The following NFE2L2 variants were observed in gnomAD, a reference collection of about 807,000 sequenced individuals.
NFE2L2 encodes NFE2 like bZIP transcription factor 2, also known as nuclear factor erythroid 2-related factor 2.
NFE2L2 carries 20 observed loss-of-function variants against 49.6 expected under a neutral mutation model. That is an observed-to-expected ratio of 0.40 (90% CI 0.28 to 0.59). The LOEUF (loss-of-function observed/expected upper bound fraction) is 0.59, where lower values mean the gene tolerates loss of function less well. Ranked by LOEUF, NFE2L2 falls within the 20% of genes least tolerant of loss-of-function variation. The pLI is 0.40. For missense variants in NFE2L2, 578 were observed against 714.2 expected, an observed-to-expected ratio of 0.81 and a Z score of 2.17; for synonymous variants, 244 against 256.5, an observed-to-expected ratio of 0.95 and a Z score of 0.47.
At chr2:177,258,919 T>G (rs1690626822) in intron 1 of NFE2L2, among the ~76,000 whole-genome samples, 1 of 152,240 alleles carries the variant, frequency 6.6e-6, no homozygotes, top group Non-Finnish European at 1.5e-5. Context: ...AATGGCTATT[T>G]AGCATTGTCT....
In NFE2L2 at chr2:177,231,322, C is replaced by G; in HGVS notation, c.1281G>C (p.Glu427Asp). The G allele has an allele frequency of 6.2e-7, 1 of 1,614,290 alleles. No individual in the cohort carries two copies. The highest frequency in any genetic ancestry group is 8.5e-7 in the Non-Finnish European group (1 of 1,180,048). The stretch of plus-strand genomic sequence containing the variant: ...GACCAGGACTTACAGGCAATTCTTT[C>G]TCTGGTGTGTTCTCACATTGGGCAT... ...VHDAQCENTP[E>D]KELPVSPGHR... Residue 427 changes from glutamate to aspartate, a missense_variant, in exon 5 of 5, where the codon GAG (glutamate) becomes GAC (aspartate). Coordinates refer to ENST00000397062, the MANE Select transcript of NFE2L2 (RefSeq NM_006164.5).
At chr2:177,239,300 G>T (rs764771668) in intron 1 of NFE2L2, among the ~76,000 whole-genome samples, 2 of 152,074 alleles carry the variant, frequency 1.3e-5, no homozygotes, top group Non-Finnish European at 2.9e-5. Context: ...TCTTCATTAG[G>T]CTGGGGGACA....
chr2:177,252,697 A>G (rs1690387941), intron 1 of NFE2L2, among the ~76,000 whole-genome samples: 2 of 152,262 alleles, frequency 1.3e-5, no homozygotes, highest in South Asian at 2.1e-4. Context: ...TGCAAGCTTG[A>G]GCACAATCCA....
At position 177,234,292 on chromosome 2, in the gene NFE2L2, G is replaced by C. The variant is rs762874613; in HGVS notation, c.46-21C>G. 9.5e-6 allele frequency: 15 copies of C among 1,581,402 alleles called. No homozygotes were observed. In the South Asian group the frequency reaches 1.5e-4, roughly 16 times the overall value. On this transcript the variant is annotated intron_variant, in intron 1 of 4. Transcript: ENST00000397062. The stretch of plus-strand genomic sequence containing the variant: ...ATGTCCTATGTTTAAGACAAAAAAA[G>C]GAAGGAGAGAGCTCATGTTTTTTAA...
chr2:177,234,865 C>T (rs1689685037), intron 1 of NFE2L2, among the ~76,000 whole-genome samples: 1 of 152,130 alleles, frequency 6.6e-6, no homozygotes, highest in African/African-American at 2.4e-5. Context: ...CCTGTAATCC[C>T]AGCACTTTGG....
Position 177,231,091 on chromosome 2 carries a change from C to G in NFE2L2, c.1512G>C (p.Arg504Ser), listed in dbSNP as rs1174733223. ...QLALIRDIRR[R>S]GKNKVAAQNC... ...TCTGAGCAGCCACTTTATTCTTACC[C>G]CTCCTACGTATATCCCGAATTAATG... The change falls in exon 5 of 5, where the codon AGG becomes AGC. Residue 504 changes from arginine (R) to serine (S), a missense_variant. Coordinates refer to ENST00000397062, the MANE Select transcript of NFE2L2 (RefSeq NM_006164.5). 6.2e-7 allele frequency: 1 copy of G among 1,614,010 alleles called. No individual in the cohort carries two copies. The highest frequency in any genetic ancestry group is 8.5e-7 in the Non-Finnish European group (1 of 1,180,022).
rs553049060 is a variant in NFE2L2 at position 177,230,677 on chromosome 2, A to T, written c.*108T>A. ...ATTTTCTATACTAGTTTTGGCTATG[A>T]TTTTGCATAGAATTACTTATAAAGT... is the stretch of plus-strand genomic sequence containing the variant. On this transcript the variant is annotated 3_prime_UTR_variant, in exon 5 of 5. Transcript: ENST00000397062. 244 of 1,285,304 alleles carry T rather than the reference A, an allele frequency of 1.9e-4. No individual in the cohort carries two copies. Among genetic ancestry groups the T allele is most frequent in the Admixed American group, 1.3e-3 (45 of 35,074 alleles). 79.6% of individuals were successfully genotyped at this position (1,285,304 alleles called of 1,614,324 possible).
At chr2:177,252,961 G>T (rs1307228258) in intron 1 of NFE2L2, among the ~76,000 whole-genome samples, 2 of 152,150 alleles carry the variant, frequency 1.3e-5, no homozygotes, top group Non-Finnish European at 2.9e-5. Context: ...GCCCTTTCCA[G>T]AATCTTCTTC....
intron 1 of NFE2L2, among the ~76,000 whole-genome samples, chr2:177,244,017 C>T (rs1027597231): frequency 1.9e-4 from 28 of 151,172 alleles, no homozygotes; most frequent in African/African-American, 6.6e-4. Context: ...AAAAAAGATC[C>T]TTGCTGGGTG....
Position 177,231,556 on chromosome 2 carries a change from G to A in NFE2L2, c.1047C>T (p.Asn349=). ...FNDSDSGISL[N]TSPSVASPEH... Reference sequence around the variant, plus strand: ...CTGGTGATGCCACACTGGGACTTGTGTTTAGTGAAATGCCGGAGTCAGAAT... The same window carrying A: ...CTGGTGATGCCACACTGGGACTTGTATTTAGTGAAATGCCGGAGTCAGAAT... The change falls in exon 5 of 5, where the codon AAC becomes AAT. Residue 349 remains asparagine, a synonymous_variant. Transcript: ENST00000397062. The A allele has an allele frequency of 1.2e-6, 2 of 1,614,222 alleles. No homozygotes were observed. The highest frequency in any genetic ancestry group is 2.2e-5 in the South Asian group (2 of 91,088).
At position 177,231,678 on chromosome 2, in the gene NFE2L2, G is replaced by C. The variant is rs141363120; in HGVS notation, c.925C>G (p.Leu309Val). The C allele has an allele frequency of 2.8e-5, 46 of 1,614,076 alleles. No homozygotes were observed. The highest frequency in any genetic ancestry group is 3.8e-5 in the Non-Finnish European group (45 of 1,180,026). The change falls in exon 5 of 5, where the codon CTC (leucine) becomes GTC (valine). Residue 309 changes from leucine (L) to valine (V), a missense_variant. Transcript: ENST00000397062. ...ATGGGCCCATTTAGAAGTTCAGAGA[G>C]TGAATGGCTTAAAGTAGCAGGTGAG... ...MPSPATLSHS[L>V]SELLNGPIDV...
At chr2:177,251,794 A>G (rs1285649418) in intron 1 of NFE2L2, among the ~76,000 whole-genome samples, 1 of 151,972 alleles carries the variant, frequency 6.6e-6, no homozygotes, top group East Asian at 1.9e-4. Flanking sequence ...TCACGAGGTC[A>G]GGAGTTCGAG....
At position 177,232,394 on chromosome 2, in the gene NFE2L2, G is replaced by A. The variant is rs968335456; in HGVS notation, c.592C>T (p.Gln198Ter). Reference protein sequence around the residue: ...WEELLSIPELQCLNIENDKLV... With the variant: ...WEELLSIPEL ...GTATTACATTCTATTTTAGTTACCT[G>A]TAACTCAGGAATGGATAATAGCTCC... The change falls in exon 4 of 5, where the codon CAG (glutamine) becomes TAG (stop). Residue 198 changes from glutamine (Q) to a stop codon, truncating the protein, a stop_gained and splice_region_variant. Transcript: ENST00000397062. LOFTEE classifies it high-confidence loss of function. 1.2e-6 allele frequency: 2 copies of A among 1,611,096 alleles called. No individual in the cohort carries two copies. Among genetic ancestry groups the A allele is most frequent in the Non-Finnish European group, 1.7e-6 (2 of 1,178,166 alleles).
chr2:177,233,844 G>T, intron 2 of NFE2L2, 161 bp downstream of exon 2: 1 of 852,258 alleles, frequency 1.2e-6, no homozygotes, highest in Non-Finnish European at 1.8e-6. Flanking sequence ...CTGAACTCAG[G>T]TTAGGTACTG....
chr2:177,243,837 A>G lies in NFE2L2; in HGVS notation c.46-9566T>C, dbSNP rs114513152. ...AGATGTAACTACCTACAAATAGCTA[A>G]AAGTAATAATAAGTCAGTATAGTCA... On this transcript the variant is annotated intron_variant, in intron 1 of 4. Coordinates refer to ENST00000397062, the MANE Select transcript of NFE2L2 (RefSeq NM_006164.5). Among the ~76,000 whole-genome samples the G allele has an allele frequency of 7.1e-3, 1,083 of 152,274 alleles. 5 individuals are homozygous for G. The highest frequency in any genetic ancestry group is 8.8e-3 in the Non-Finnish European group (599 of 68,022).
intron 1 of NFE2L2, among the ~76,000 whole-genome samples, chr2:177,240,042 CACCA>C (rs1689889807): frequency 6.6e-6 from 1 of 151,810 alleles, no homozygotes; most frequent in Non-Finnish European, 1.5e-5. Flanking sequence ...AGCTAATATG[CACCA>C]ACCATTTCCT....
rs11886935 is a variant in NFE2L2, at chr2:177,254,312, G to C, written c.45+10220C>G. ...CCTTTGTGGCACTTTCATTATATTC[G>C]ATGACCTCTGTCCCATCACCTGCTT... On this transcript the variant is annotated intron_variant, in intron 1 of 4. Coordinates refer to ENST00000397062, the MANE Select transcript of NFE2L2 (RefSeq NM_006164.5). Among the ~76,000 whole-genome samples, 1,092 of 152,196 alleles carry C rather than the reference G, an allele frequency of 7.2e-3. 14 individuals are homozygous for C. Among genetic ancestry groups the C allele is most frequent in the South Asian group, 0.024 (116 of 4,816 alleles).
At position 177,231,025 on chromosome 2, in the gene NFE2L2, C is replaced by T. The variant is rs1689524704; in HGVS notation, c.1578G>A (p.Glu526=). 1 of 1,613,518 alleles carries T rather than the reference C, an allele frequency of 6.2e-7. No homozygotes were observed. Among genetic ancestry groups the T allele is most frequent in the Non-Finnish European group, 8.5e-7 (1 of 1,179,940 alleles). The stretch of plus-strand genomic sequence containing the variant: ...CATCTTTCAAATGATCTAAATCTTG[C>T]TCTAGTTCTACTATATTTTCCAGTT... The part of the protein sequence containing the change: ...KRKLENIVEL[E]QDLDHLKDEK... Residue 526 remains glutamate (E), a synonymous_variant, in exon 5 of 5, where the codon GAG becomes GAA. Transcript: ENST00000397062.
At chr2:177,236,299 T>C (rs180783046) in intron 1 of NFE2L2, among the ~76,000 whole-genome samples, 3 of 152,334 alleles carry the variant, frequency 2.0e-5, no homozygotes, top group African/African-American at 4.8e-5. Context: ...TGATTGAAGG[T>C]TGGCGTTGGA....
Sources: gnomAD v4.1 joint callset for allele counts (sites outside exome capture counted in the v4.1 genomes callset) on GRCh38, gnomAD v4.1.1 for gene constraint, MANE v1.5 for transcripts, NCBI Gene and HGNC (gene_info 2026-07-23, HGNC 2026-07-21) for gene names.